Variants in WWOX observed in about 807,000 individuals in gnomAD.
The protein encoded by WWOX is WW domain-containing oxidoreductase.
A neutral mutation model predicts 46.2 loss-of-function variants in WWOX; 69 were observed. The observed-to-expected ratio is 1.49, with a 90% CI of 1.23 to 1.82. The LOEUF is 1.82. Among genes scored for constraint, WWOX ranks in the 40% most tolerant of loss-of-function variants. WWOX has a pLI of 0.00. For synonymous variants in WWOX, 359 were observed against 202.6 expected (o/e 1.77, Z -6.56); for missense variants, 919 against 542.6 (o/e 1.69, Z -6.89).
intron 8 of WWOX, among the ~76,000 whole-genome samples, chr16:78,864,303 G>A (rs1657231739): frequency 6.7e-6 from 1 of 148,492 alleles, no homozygotes; most frequent in African/African-American, 2.5e-5. Flanking sequence ...ATCTTGCTCT[G>A]TTGCCCAGGC....
chr16:78,181,481 A>C (rs1368828907), intron 5 of WWOX, among the ~76,000 whole-genome samples: 1 of 152,204 alleles, frequency 6.6e-6, no homozygotes, highest in Non-Finnish European at 1.5e-5. Flanking sequence ...AGGAGGAATG[A>C]TTGTTCCAAT....
intron 8 of WWOX, among the ~76,000 whole-genome samples, chr16:79,015,592 G>C (rs908726849): frequency 6.6e-6 from 1 of 152,050 alleles, no homozygotes; most frequent in African/African-American, 2.4e-5. Flanking sequence ...GTCACTGGTT[G>C]GGTTCCATAT....
intron 8 of WWOX, chr16:79,202,655 T>G (rs1429659184): frequency 6.6e-6 from 1 of 152,188 alleles, no homozygotes; most frequent in Non-Finnish European, 1.5e-5. Flanking sequence ...TATTCAGCTT[T>G]AAAGAGTTTG....
At chr16:78,866,931 A>T (rs182084280) in intron 8 of WWOX, among the ~76,000 whole-genome samples, 9 of 152,350 alleles carry the variant, frequency 5.9e-5, no homozygotes, top group Non-Finnish European at 1.2e-4. Context: ...TGAAGCTTCA[A>T]ATATGAACCC....
intron 8 of WWOX, among the ~76,000 whole-genome samples, chr16:78,680,058 T>C (rs1336511346): frequency 6.6e-6 from 1 of 152,192 alleles, no homozygotes; most frequent in Non-Finnish European, 1.5e-5. Context: ...TTCTCATCTG[T>C]AAAGTAGGGA....
intron 8 of WWOX, among the ~76,000 whole-genome samples, chr16:79,064,557 G>A (rs762405733): frequency 2.6e-5 from 4 of 152,168 alleles, no homozygotes; most frequent in Admixed American, 6.5e-5. Flanking sequence ...CTGTTTCTGC[G>A]GATTCTCATG....
chr16:78,494,605 C>A (rs1261629913), intron 8 of WWOX, among the ~76,000 whole-genome samples: 2 of 152,196 alleles, frequency 1.3e-5, no homozygotes, highest in African/African-American at 2.4e-5. Context: ...CAGGAGTCTT[C>A]TGTGTGAACC....
At chr16:78,575,743 A>G (rs965242543) in intron 8 of WWOX, among the ~76,000 whole-genome samples, 1 of 152,204 alleles carries the variant, frequency 6.6e-6, no homozygotes, top group African/African-American at 2.4e-5. Context: ...GAAAAATTTC[A>G]TTAAATCACA....
intron 8 of WWOX, among the ~76,000 whole-genome samples, chr16:79,012,199 G>C (rs2047324482): frequency 6.6e-6 from 1 of 152,106 alleles, no homozygotes; most frequent in Non-Finnish European, 1.5e-5. Flanking sequence ...AGCCACATCT[G>C]GCTGTGTGGC....
intron 8 of WWOX, among the ~76,000 whole-genome samples, chr16:78,566,482 T>G (rs560661073): frequency 6.6e-6 from 1 of 152,298 alleles, no homozygotes; most frequent in South Asian, 2.1e-4. Flanking sequence ...CCTCCCTGAT[T>G]GTCGCTGGCC....
intron 8 of WWOX, among the ~76,000 whole-genome samples, chr16:79,094,638 T>G (rs1357809623): frequency 1.3e-5 from 2 of 152,166 alleles, no homozygotes; most frequent in East Asian, 3.9e-4. Flanking sequence ...GGTCTGTTTT[T>G]TCTTTTTTTT....
chr16:78,635,648 T>A (rs1702715834), intron 8 of WWOX, among the ~76,000 whole-genome samples: 1 of 152,168 alleles, frequency 6.6e-6, no homozygotes, highest in South Asian at 2.1e-4. Context: ...TAAAAATGCT[T>A]GACCAGCATT....
intron 8 of WWOX, chr16:79,204,192 T>C (rs1027063416): frequency 1.3e-5 from 2 of 152,156 alleles, no homozygotes; most frequent in African/African-American, 4.8e-5. Flanking sequence ...CTTTGAGCAA[T>C]GTAGGTATCC....
At chr16:78,748,913 C>G (rs996022338) in intron 8 of WWOX, among the ~76,000 whole-genome samples, 9 of 152,234 alleles carry the variant, frequency 5.9e-5, no homozygotes, top group African/African-American at 2.2e-4. Flanking sequence ...CACATGGTCT[C>G]TTATTTCTCC....
chr16:78,366,523 A>G (rs1430381477), intron 5 of WWOX, among the ~76,000 whole-genome samples: 1 of 152,190 alleles, frequency 6.6e-6, no homozygotes, highest in Non-Finnish European at 1.5e-5. Context: ...ACTTCAGGGG[A>G]CTACACTCTT....
chr16:78,973,400 C>T (rs866338768), intron 8 of WWOX, among the ~76,000 whole-genome samples: 2 of 152,142 alleles, frequency 1.3e-5, no homozygotes, highest in African/African-American at 4.8e-5. Flanking sequence ...CTTTTAACAG[C>T]ACAATACAGA....
At chr16:78,546,639 T>G (rs1009718071) in intron 8 of WWOX, among the ~76,000 whole-genome samples, 1 of 152,168 alleles carries the variant, frequency 6.6e-6, no homozygotes, top group Non-Finnish European at 1.5e-5. Flanking sequence ...CTAGTCCCAC[T>G]CCCTAAAGAT....
At chr16:78,743,378 A>G (rs1035916250) in intron 8 of WWOX, among the ~76,000 whole-genome samples, 4 of 152,150 alleles carry the variant, frequency 2.6e-5, no homozygotes, top group African/African-American at 7.2e-5. Flanking sequence ...GAATCTTCCC[A>G]GGGATCTGCT....
intron 8 of WWOX, among the ~76,000 whole-genome samples, chr16:78,578,284 A>ATATATATATATATATATATATT (rs1555567122): frequency 4.8e-5 from 1 of 20,842 alleles, no homozygotes; most frequent in Non-Finnish European, 8.1e-5. Flanking sequence ...ATATATATAT[A>ATATATATATATATATATATATT]TTTTTTTTTT....
Sources: gnomAD v4.1 joint callset for allele counts (sites outside exome capture counted in the v4.1 genomes callset) on GRCh38, gnomAD v4.1.1 for gene constraint, MANE v1.5 for transcripts, NCBI Gene and HGNC (gene_info 2026-07-23, HGNC 2026-07-21) for gene names.